Variants in PSPC1 observed in about 807,000 individuals in gnomAD.
PSPC1 encodes paraspeckle protein 1.
A neutral mutation model predicts 51.6 loss-of-function variants in PSPC1; 14 were observed. The observed-to-expected ratio is 0.27, with a 90% CI of 0.18 to 0.42. The LOEUF is 0.42. Ranked by LOEUF, PSPC1 falls within the 10% of genes least tolerant of loss-of-function variation. The probability of loss-of-function intolerance (pLI) is 1.00; values close to 1 mark genes in which losing one functional copy is unlikely to be tolerated. For missense variants in PSPC1, 406 were observed against 701.1 expected, an observed-to-expected ratio of 0.58 and a Z score of 4.75; for synonymous variants, 193 against 231.9, an observed-to-expected ratio of 0.83 and a Z score of 1.53.
At chr13:19,687,720 T>C (rs1414967290) in intron 6 of PSPC1, among the ~76,000 whole-genome samples, 1 of 151,722 alleles carries the variant, frequency 6.6e-6, no homozygotes, top group Admixed American at 6.6e-5. Flanking sequence ...CTGCCCTTCT[T>C]CTCCATCCCA....
intron 5 of PSPC1, among the ~76,000 whole-genome samples, chr13:19,739,075 A>C (rs1325178433): frequency 6.6e-6 from 1 of 152,112 alleles, no homozygotes; most frequent in African/African-American, 2.4e-5. Context: ...TATACACACA[A>C]AGTGGTTTCA....
At chr13:19,720,778 A>G (rs1314262674) in intron 6 of PSPC1, among the ~76,000 whole-genome samples, 3 of 152,188 alleles carry the variant, frequency 2.0e-5, no homozygotes, top group Non-Finnish European at 2.9e-5. Context: ...AGGGTTTGAC[A>G]CATAGTGCAC....
intron 3 of PSPC1, among the ~76,000 whole-genome samples, chr13:19,759,007 G>T (rs1331755844): frequency 1.3e-5 from 2 of 151,846 alleles, no homozygotes; most frequent in Non-Finnish European, 2.9e-5. Context: ...ACTATTAGCT[G>T]GGCATGGTGG....
intron 6 of PSPC1, among the ~76,000 whole-genome samples, chr13:19,711,639 T>TG (rs1555232002): frequency 2.5e-5 from 2 of 80,944 alleles, no homozygotes; most frequent in East Asian, 7.2e-4. Context: ...CTCCGTCTCA[T>TG]AAAAAAAAAA....
At chr13:19,734,036 C>T (rs1884466380) in intron 5 of PSPC1, among the ~76,000 whole-genome samples, 1 of 152,094 alleles carries the variant, frequency 6.6e-6, no homozygotes, top group African/African-American at 2.4e-5. Flanking sequence ...ATTAGGGGAA[C>T]AGGAGCATTG....
chr13:19,773,841 T>C (rs1888842107), intron 1 of PSPC1, among the ~76,000 whole-genome samples: 1 of 151,872 alleles, frequency 6.6e-6, no homozygotes, highest in Admixed American at 6.6e-5. Flanking sequence ...TCTGTAGAGA[T>C]GGGGGGGTCT....
At chr13:19,711,835 ACT>A (rs1374849457) in intron 6 of PSPC1, among the ~76,000 whole-genome samples, 1 of 150,310 alleles carries the variant, frequency 6.7e-6, no homozygotes, top group East Asian at 2.0e-4. Context: ...CAAGAGCAAA[ACT>A]CTGTCTCAAA....
In PSPC1 at chr13:19,730,946, G is replaced by GAAAAAAAAAAAAAAAAAAAAAAAA. The variant is rs1168386647; in HGVS notation, c.1053-603_1053-602insTTTTTTTTTTTTTTTTTTTTTTTT. 1.2e-4 allele frequency among the ~76,000 whole-genome samples: 3 copies of GAAAAAAAAAAAAAAAAAAAAAAAA among 25,248 alleles called. 1 individual carries two copies. The highest frequency in any genetic ancestry group is 1.7e-4 in the African/African-American group (2 of 11,992). 16.6% of individuals were successfully genotyped at this position (25,248 alleles called of 152,430 possible). A position where few individuals can be genotyped will look rare whatever the true frequency, so the allele number is the denominator to read the frequency against. On this transcript the variant is annotated intron_variant, in intron 5 of 8. Coordinates refer to ENST00000338910, the MANE Select transcript of PSPC1 (RefSeq NM_001354909.2). Reference sequence around the variant, plus strand: ...TGGGCAACAGTGAGACCCTGTCTCAGAAAAAAAAAACAAAAAAACAAAAAA... The same window carrying GAAAAAAAAAAAAAAAAAAAAAAAA: ...TGGGCAACAGTGAGACCCTGTCTCAGAAAAAAAAAAAAAAAAAAAAAAAAAAAAAAAAAACAAAAAAACAAAAAA...
intron 2 of PSPC1, among the ~76,000 whole-genome samples, chr13:19,771,387 C>T (rs985371587): frequency 6.6e-6 from 1 of 152,148 alleles, no homozygotes; most frequent in African/African-American, 2.4e-5. Flanking sequence ...ATCCACCCGC[C>T]TGGGCCTCCC....
chr13:19,759,392 G>A lies in PSPC1; in HGVS notation c.701C>T (p.Pro234Leu). ...TTTPRPVIVE[P>L]MEQFDDEDGL... is the part of the protein sequence containing the mutation. ...ATCTTCATCATCAAACTGCTCCATG[G>A]GTTCCACAATGACTGGACGAGGGGT... Residue 234 changes from proline (P) to leucine (L), a missense_variant, in exon 3 of 9, where the codon CCC (proline) becomes CTC (leucine). Coordinates refer to ENST00000338910, the MANE Select transcript of PSPC1 (RefSeq NM_001354909.2). The A allele has an allele frequency of 6.2e-7, 1 of 1,613,972 alleles. No homozygotes were observed. Among genetic ancestry groups the A allele is most frequent in the Non-Finnish European group, 8.5e-7 (1 of 1,179,976 alleles).
intron 6 of PSPC1, among the ~76,000 whole-genome samples, chr13:19,687,226 A>AT (rs774027191): frequency 5.3e-5 from 8 of 152,108 alleles, no homozygotes; most frequent in Non-Finnish European, 8.8e-5. Flanking sequence ...ATATTAAAAA[A>AT]TAAAGCCATC....
intron 5 of PSPC1, among the ~76,000 whole-genome samples, chr13:19,730,747 C>T (rs891050882): frequency 1.3e-5 from 2 of 151,800 alleles, no homozygotes; most frequent in South Asian, 2.1e-4. Flanking sequence ...CACCTGAGGT[C>T]GGGAATTCAA....
chr13:19,728,365 C>T (rs1322861950), intron 6 of PSPC1, among the ~76,000 whole-genome samples: 1 of 151,342 alleles, frequency 6.6e-6, no homozygotes. Context: ...GAACACTTAC[C>T]ATTTGATTCC....
intron 6 of PSPC1, among the ~76,000 whole-genome samples, chr13:19,690,886 C>T (rs80079416): frequency 0.036 from 5,456 of 152,226 alleles, 157 homozygotes; most frequent in South Asian, 0.11. Flanking sequence ...GCTGGCTATT[C>T]TTACTCTGAC....
chr13:19,773,168 T>C (rs1888778829), intron 1 of PSPC1, among the ~76,000 whole-genome samples: 1 of 147,778 alleles, frequency 6.8e-6, no homozygotes, highest in Non-Finnish European at 1.5e-5. Context: ...TCGGAAAAAA[T>C]AAAAATAAAA....
At chr13:19,737,848 G>T (rs1348145777) in intron 5 of PSPC1, among the ~76,000 whole-genome samples, 1 of 152,120 alleles carries the variant, frequency 6.6e-6, no homozygotes, top group Admixed American at 6.6e-5. Flanking sequence ...GCTTTCGGAG[G>T]CTGAGGCAGG....
chr13:19,701,739 T>C (rs1165337760), downstream of PSPC1, among the ~76,000 whole-genome samples: 2 of 152,220 alleles, frequency 1.3e-5, no homozygotes, highest in African/African-American at 2.4e-5. Context: ...TTACATAGTG[T>C]TTATTTTAAA....
intron 5 of PSPC1, among the ~76,000 whole-genome samples, chr13:19,736,518 C>T (rs1593663083): frequency 6.6e-6 from 1 of 151,888 alleles, no homozygotes; most frequent in Non-Finnish European, 1.5e-5. Flanking sequence ...CCCATCTCTA[C>T]TAAAAATACA....
chr13:19,740,885 T>C (rs1426090825), intron 5 of PSPC1, among the ~76,000 whole-genome samples: 3 of 152,082 alleles, frequency 2.0e-5, no homozygotes, highest in Admixed American at 6.6e-5. Flanking sequence ...AATCTTTTTT[T>C]TTTTTTTGAG....
Sources: allele counts gnomAD v4.1 joint callset (sites outside exome capture counted in the v4.1 genomes callset), GRCh38; gene constraint gnomAD v4.1.1; transcripts MANE v1.5; gene names NCBI Gene and HGNC (gene_info 2026-07-23, HGNC 2026-07-21).